ATXN1: variants seen among roughly 807,000 people sequenced by gnomAD.
The protein encoded by ATXN1 is ataxin-1.
In ATXN1, 8 loss-of-function variants were observed where a neutral mutation model predicts 56.4. The observed-to-expected ratio is 0.14, with a 90% confidence interval of 0.08 to 0.26. The LOEUF (loss-of-function observed/expected upper bound fraction) is 0.26. Ranked by LOEUF, ATXN1 falls within the 10% of genes least tolerant of loss-of-function variation. ATXN1 has a pLI of 1.00. For synonymous variants in ATXN1, 514 were observed against 494.6 expected (o/e 1.04, Z -0.52); for missense variants, 987 against 1,106.5 (o/e 0.89, Z 1.53).
intron 2 of ATXN1, among the ~76,000 whole-genome samples, chr6:16,736,015 T>A (rs540337109): frequency 2.5e-4 from 38 of 152,316 alleles, no homozygotes; most frequent in African/African-American, 8.7e-4. Context: ...GACAAAAAGA[T>A]GTTTAAAGAC....
intron 6 of ATXN1, among the ~76,000 whole-genome samples, chr6:16,363,637 C>T (rs145050976): frequency 4.6e-4 from 70 of 152,318 alleles, no homozygotes; most frequent in Non-Finnish European, 2.8e-4. Context: ...TGGACCAGTA[C>T]AGAGGGGGCA....
intron 4 of ATXN1, among the ~76,000 whole-genome samples, chr6:16,529,821 G>A (rs1243325248): frequency 6.6e-6 from 1 of 152,040 alleles, no homozygotes; most frequent in African/African-American, 2.4e-5. Context: ...CACACTCCAT[G>A]GTAAATTTTT....
At chr6:16,364,748 TCA>T (rs1316989305) in intron 6 of ATXN1, among the ~76,000 whole-genome samples, 1 of 152,252 alleles carries the variant, frequency 6.6e-6, no homozygotes, top group African/African-American at 2.4e-5. Context: ...TTCATGAATG[TCA>T]CAGTCTCCTT....
At chr6:16,448,264 G>A (rs1368725060) in intron 6 of ATXN1, among the ~76,000 whole-genome samples, 3 of 151,968 alleles carry the variant, frequency 2.0e-5, no homozygotes, top group African/African-American at 4.8e-5. Flanking sequence ...TGCTCCTCTG[G>A]CAAATGAGTT....
intron 2 of ATXN1, among the ~76,000 whole-genome samples, chr6:16,675,819 G>A (rs1401070482): frequency 6.6e-6 from 1 of 152,146 alleles, no homozygotes; most frequent in Non-Finnish European, 1.5e-5. Context: ...AACCTGGGAG[G>A]TGGAGGCTGC....
chr6:16,420,003 G>C (rs1259024752), intron 6 of ATXN1, among the ~76,000 whole-genome samples: 3 of 152,194 alleles, frequency 2.0e-5, no homozygotes, highest in Non-Finnish European at 4.4e-5. Flanking sequence ...ACAAAGACTG[G>C]GGATGGGGAG....
chr6:16,541,542 T>G (rs1300371533), intron 4 of ATXN1, among the ~76,000 whole-genome samples: 1 of 152,222 alleles, frequency 6.6e-6, no homozygotes, highest in East Asian at 1.9e-4. Flanking sequence ...CAAAGTGTGC[T>G]CAAGGGCTTT....
chr6:16,730,862 A>G (rs1759959880), intron 2 of ATXN1, among the ~76,000 whole-genome samples: 1 of 152,184 alleles, frequency 6.6e-6, no homozygotes, highest in East Asian at 1.9e-4. Context: ...ATAAATACAG[A>G]CCTTCCTCTT....
chr6:16,364,624 G>T (rs929799574), intron 6 of ATXN1, among the ~76,000 whole-genome samples: 1 of 152,130 alleles, frequency 6.6e-6, no homozygotes, highest in Non-Finnish European at 1.5e-5. Context: ...TTTTGAGGTG[G>T]TAAGAATAAG....
intron 2 of ATXN1, among the ~76,000 whole-genome samples, chr6:16,705,083 G>A (rs1581380788): frequency 6.6e-6 from 1 of 152,176 alleles, no homozygotes; most frequent in African/African-American, 2.4e-5. Context: ...TCTGTGACAG[G>A]AATATGACAC....
intron 4 of ATXN1, among the ~76,000 whole-genome samples, chr6:16,574,398 G>A (rs529798323): frequency 3.3e-5 from 5 of 152,292 alleles, no homozygotes; most frequent in African/African-American, 9.6e-5. Flanking sequence ...TAGTAGAAAC[G>A]GGGTTTCTCC....
At chr6:16,435,742 C>A (rs145945138) in intron 6 of ATXN1, among the ~76,000 whole-genome samples, 2 of 152,080 alleles carry the variant, frequency 1.3e-5, no homozygotes, top group Admixed American at 1.3e-4. Flanking sequence ...GCGGTAGAGC[C>A]GTGGTTGAAG....
chr6:16,474,167 G>C (rs560768338), intron 6 of ATXN1, among the ~76,000 whole-genome samples: 1 of 152,310 alleles, frequency 6.6e-6, no homozygotes, highest in African/African-American at 2.4e-5. Context: ...TTACCTTTGA[G>C]CTTTGCTCAT....
At chr6:16,658,888 G>A (rs1371796355) in intron 2 of ATXN1, among the ~76,000 whole-genome samples, 4 of 152,138 alleles carry the variant, frequency 2.6e-5, no homozygotes, top group Non-Finnish European at 1.5e-5. Context: ...ATCTCCAAAG[G>A]TCCCACGGTG....
At position 16,760,067 on chromosome 6, in the gene ATXN1, G is replaced by A. The variant is rs1049456193; in HGVS notation, c.-730+1231C>T. Among the ~76,000 whole-genome samples the A allele has an allele frequency of 6.6e-6, 1 of 151,198 alleles. No individual in the cohort carries two copies. The highest frequency in any genetic ancestry group is 1.5e-5 in the Non-Finnish European group (1 of 67,714). ...CCGACACCGCCTCACCTCTCGCTCC[G>A]CCCGTCCGGCCCCCTTCCCTGCCCC... On this transcript the variant is annotated intron_variant, in intron 1 of 7. Coordinates refer to ENST00000436367, the MANE Select transcript of ATXN1 (RefSeq NM_001128164.2). The surrounding 1 kb of genome is among the most constrained non-coding windows in gnomAD (Gnocchi z 5.3).
At chr6:16,640,863 C>T (rs116026336) in intron 3 of ATXN1, among the ~76,000 whole-genome samples, 131 of 152,288 alleles carry the variant, frequency 8.6e-4, no homozygotes, top group African/African-American at 2.7e-3. Flanking sequence ...AAAAGCCAGG[C>T]TTCTTGTGAC....
intron 6 of ATXN1, among the ~76,000 whole-genome samples, chr6:16,452,580 A>C (rs1408449374): frequency 6.6e-6 from 1 of 152,260 alleles, no homozygotes; most frequent in East Asian, 1.9e-4. Flanking sequence ...TTCCAATGAA[A>C]GGGTAAAAAA....
In ATXN1 at chr6:16,614,573, A is replaced by G. The variant is rs564896406; in HGVS notation, c.-488-28666T>C. Among the ~76,000 whole-genome samples, 3 of 151,804 alleles carry G rather than the reference A, an allele frequency of 2.0e-5. No homozygotes were observed. The East Asian group carries it at 5.8e-4, about 29-fold the overall frequency. ...TACTATGTATTTGCCACAGTAAAAGATATCTACCACAAACCAGTAGCCAAT... is the reference window on the plus strand; with the variant it reads ...TACTATGTATTTGCCACAGTAAAAGGTATCTACCACAAACCAGTAGCCAAT... On this transcript the variant is annotated intron_variant, in intron 3 of 7. Coordinates refer to ENST00000436367, the MANE Select transcript of ATXN1 (RefSeq NM_001128164.2).
chr6:16,574,424 G>A (rs2113753709), intron 4 of ATXN1, among the ~76,000 whole-genome samples: 1 of 152,284 alleles, frequency 6.6e-6, no homozygotes, highest in African/African-American at 2.4e-5. Flanking sequence ...GCTCAGGGTG[G>A]TCTCGAACTC....
Sources: allele counts gnomAD v4.1 joint callset (sites outside exome capture counted in the v4.1 genomes callset), GRCh38; gene constraint gnomAD v4.1.1; non-coding constraint Gnocchi (gnomAD v3.1); transcripts MANE v1.5; gene names NCBI Gene and HGNC (gene_info 2026-07-23, HGNC 2026-07-21).